The following MEGF11 variants were observed in gnomAD, a reference collection of about 807,000 sequenced individuals.
MEGF11 encodes multiple epidermal growth factor-like domains protein 11.
Under a neutral mutation model 146.6 loss-of-function variants are expected in MEGF11, and 126 were observed. The ratio of observed to expected loss-of-function variants is 0.86; its 90% CI spans 0.74 to 1.00. MEGF11 has a LOEUF of 1.00. Among genes scored for constraint, MEGF11 ranks in the 50% least tolerant of loss-of-function variants. The probability of loss-of-function intolerance (pLI) is 0.00; values close to 1 mark genes in which losing one functional copy is unlikely to be tolerated. For synonymous variants in MEGF11, 532 were observed against 583.4 expected (o/e 0.91, Z 1.27); for missense variants, 1,509 against 1,521.2 (o/e 0.99, Z 0.13).
intron 1 of MEGF11, among the ~76,000 whole-genome samples, chr15:66,204,450 A>G (rs544835127): frequency 1.3e-5 from 2 of 152,208 alleles, no homozygotes; most frequent in Non-Finnish European, 2.9e-5. Context: ...AGAAGCAGTT[A>G]TAAACCACGT....
chr15:66,001,186 T>C (rs2082355333), intron 5 of MEGF11, among the ~76,000 whole-genome samples: 1 of 152,164 alleles, frequency 6.6e-6, no homozygotes, highest in South Asian at 2.1e-4. Context: ...GGCTCCCTGC[T>C]GCTCTCAGAT....
intron 4 of MEGF11, among the ~76,000 whole-genome samples, chr15:66,115,979 C>T: frequency 6.6e-6 from 1 of 152,204 alleles, no homozygotes; most frequent in East Asian, 1.9e-4. Flanking sequence ...GCCGCCCAGC[C>T]TGTGGTACTT....
chr15:66,132,325 C>T (rs1475018007), intron 1 of MEGF11, among the ~76,000 whole-genome samples: 1 of 152,220 alleles, frequency 6.6e-6, no homozygotes, highest in African/African-American at 2.4e-5. Context: ...TGGCCTCTGC[C>T]CTGGGATCAG....
chr15:66,023,903 C>G (rs933990059), intron 5 of MEGF11, among the ~76,000 whole-genome samples: 1 of 152,082 alleles, frequency 6.6e-6, no homozygotes, highest in African/African-American at 2.4e-5. Flanking sequence ...TGGTGAGGGT[C>G]GGTCTGAAGG....
intron 5 of MEGF11, among the ~76,000 whole-genome samples, chr15:66,023,164 T>A (rs2083218985): frequency 7.1e-6 from 1 of 140,574 alleles, no homozygotes; most frequent in African/African-American, 2.8e-5. Flanking sequence ...AACAAACTTG[T>A]TTGAAGCTCT....
intron 10 of MEGF11, among the ~76,000 whole-genome samples, chr15:65,943,517 G>A (rs1490554693): frequency 6.6e-6 from 1 of 152,146 alleles, no homozygotes; most frequent in Admixed American, 6.5e-5. Context: ...TGATTAACAC[G>A]TGAGCCCTAT....
intron 24 of MEGF11, 180 bp downstream of exon 24, chr15:65,905,905 A>G: frequency 2.1e-6 from 1 of 476,882 alleles, no homozygotes; most frequent in Non-Finnish European, 3.7e-6. Flanking sequence ...CATTATTATT[A>G]TGATTGATTG....
intron 5 of MEGF11, among the ~76,000 whole-genome samples, chr15:66,077,179 G>A (rs1567229841): frequency 6.6e-6 from 1 of 152,198 alleles, no homozygotes; most frequent in East Asian, 1.9e-4. Context: ...ACTCCTCTGG[G>A]TGCCTCCGCT....
chr15:66,197,990 C>T (rs139101692), intron 1 of MEGF11, among the ~76,000 whole-genome samples: 2,073 of 152,258 alleles, frequency 0.014, 40 homozygotes, highest in African/African-American at 0.043. Context: ...CTTGGAAGGC[C>T]GCAGTGGGAG....
intron 5 of MEGF11, among the ~76,000 whole-genome samples, chr15:66,056,067 G>T (rs936468773): frequency 6.6e-6 from 1 of 152,176 alleles, no homozygotes; most frequent in African/African-American, 2.4e-5. Flanking sequence ...GAAATGCAGA[G>T]TGTCAGGCTC....
At chr15:65,949,814 G>A (rs1167595741) in intron 10 of MEGF11, among the ~76,000 whole-genome samples, 1 of 152,218 alleles carries the variant, frequency 6.6e-6, no homozygotes, top group Non-Finnish European at 1.5e-5. Flanking sequence ...TACAGCAGTG[G>A]AGGAGGCTCC....
intron 1 of MEGF11, among the ~76,000 whole-genome samples, chr15:66,174,017 C>T (rs575323207): frequency 1.4e-4 from 21 of 152,226 alleles, no homozygotes; most frequent in Non-Finnish European, 2.1e-4. Flanking sequence ...GAGGCAGAAT[C>T]CTCTCCCTGT....
intron 1 of MEGF11, among the ~76,000 whole-genome samples, chr15:66,212,542 G>A (rs2091487390): frequency 6.6e-6 from 1 of 152,206 alleles, no homozygotes; most frequent in Non-Finnish European, 1.5e-5. Flanking sequence ...GAGCCAGGCT[G>A]GGCTGGCCCC....
intron 5 of MEGF11, among the ~76,000 whole-genome samples, chr15:66,082,980 C>T (rs975401912): frequency 6.6e-6 from 1 of 152,164 alleles, no homozygotes; most frequent in East Asian, 1.9e-4. Flanking sequence ...GGGACCCAGG[C>T]CCCCATCCTA....
At chr15:66,025,674 C>T (rs556801004) in intron 5 of MEGF11, among the ~76,000 whole-genome samples, 13 of 152,132 alleles carry the variant, frequency 8.5e-5, no homozygotes, top group Admixed American at 2.6e-4. Context: ...TAGGAACGGA[C>T]CATACCTCCT....
At chr15:65,960,823 C>A (rs1474089599) in intron 9 of MEGF11, among the ~76,000 whole-genome samples, 2 of 152,192 alleles carry the variant, frequency 1.3e-5, no homozygotes, top group African/African-American at 4.8e-5. Flanking sequence ...AAATGCTGAC[C>A]TAAGTACTCT....
At chr15:65,956,969 G>A (rs543120593) in intron 10 of MEGF11, among the ~76,000 whole-genome samples, 3 of 152,308 alleles carry the variant, frequency 2.0e-5, no homozygotes, top group East Asian at 3.9e-4. Flanking sequence ...ATCAAGAGCC[G>A]TAAATATATT....
At chr15:66,038,252 T>C (rs772479424) in intron 5 of MEGF11, among the ~76,000 whole-genome samples, 2 of 152,034 alleles carry the variant, frequency 1.3e-5, no homozygotes, top group African/African-American at 4.8e-5. Flanking sequence ...GAGCCCAGGT[T>C]TGGGGAGATG....
chr15:66,127,071 C>T (rs2088388695), intron 2 of MEGF11, among the ~76,000 whole-genome samples: 1 of 152,204 alleles, frequency 6.6e-6, no homozygotes, highest in Admixed American at 6.5e-5. Context: ...GCCCTTGATC[C>T]TCCAATGAGC....
Sources: gnomAD v4.1 joint callset for allele counts (sites outside exome capture counted in the v4.1 genomes callset) on GRCh38, gnomAD v4.1.1 for gene constraint, MANE v1.5 for transcripts, NCBI Gene and HGNC (gene_info 2026-07-23, HGNC 2026-07-21) for gene names.